Variants in SGCD observed in about 807,000 individuals in gnomAD.
The protein encoded by SGCD is sarcoglycan delta, also known as delta-sarcoglycan.
In SGCD, 18 loss-of-function variants were observed where a neutral mutation model predicts 36.6. That is an observed-to-expected ratio of 0.49 (90% confidence interval 0.34 to 0.73). The LOEUF is 0.73. Ranked by LOEUF, SGCD falls within the 30% of genes least tolerant of loss-of-function variation. The pLI is 0.01. For missense variants in SGCD, 387 were observed against 346.7 expected (o/e 1.12, Z -0.92); for synonymous variants, 133 against 130.6 (o/e 1.02, Z -0.12).
rs1043125333 is a variant in SGCD, at chr5:156,147,809, T to A, written c.-44+23790T>A. 2.0e-5 allele frequency among the ~76,000 whole-genome samples: 3 copies of A among 152,180 alleles called. No homozygotes were observed. The East Asian group carries it at 5.8e-4, about 29-fold the overall frequency. On this transcript the variant is annotated intron_variant, in intron 3 of 9. Coordinates refer to the SGCD transcript ENST00000517913. ...GTCTTTTAATGCAGTGACATTCAGA[T>A]GTTAAAGGAAGTGGAACTCATATAG... is the stretch of plus-strand genomic sequence containing the variant.
chr5:156,420,455 A>T (rs533000811), intron 3 of SGCD, among the ~76,000 whole-genome samples: 1 of 152,248 alleles, frequency 6.6e-6, no homozygotes, highest in South Asian at 2.1e-4. Flanking sequence ...ATATTGGAAG[A>T]ATTCTGTAGA....
At chr5:156,673,177 T>C (rs1167997831) in intron 7 of SGCD, among the ~76,000 whole-genome samples, 1 of 152,214 alleles carries the variant, frequency 6.6e-6, no homozygotes, top group Non-Finnish European at 1.5e-5. Flanking sequence ...CTGCAACACA[T>C]TGTTTATGAA....
At chr5:156,316,675 T>G (rs920368691) in intron 3 of SGCD, among the ~76,000 whole-genome samples, 1 of 152,018 alleles carries the variant, frequency 6.6e-6, no homozygotes, top group Admixed American at 6.6e-5. Flanking sequence ...GTCAACTATT[T>G]TTTAACAAAG....
At chr5:156,309,602 T>G (rs1300374331) in intron 3 of SGCD, among the ~76,000 whole-genome samples, 1 of 20,298 alleles carries the variant, frequency 4.9e-5, no homozygotes, top group Non-Finnish European at 1.2e-4. Context: ...TCTTTGAGCA[T>G]TTTTTTTTTT....
At chr5:156,605,819 A>T (rs1761419204) in intron 6 of SGCD, among the ~76,000 whole-genome samples, 1 of 152,176 alleles carries the variant, frequency 6.6e-6, no homozygotes, top group Non-Finnish European at 1.5e-5. Flanking sequence ...ACATTTTTTC[A>T]TGTGTCTTTT....
intron 1 of SGCD, among the ~76,000 whole-genome samples, chr5:156,099,893 G>A (rs948627051): frequency 3.3e-5 from 5 of 151,602 alleles, no homozygotes; most frequent in African/African-American, 1.2e-4. Flanking sequence ...CTGTTTTTAT[G>A]TTAATATATG....
At chr5:156,133,029 T>C (rs1024599456) in intron 3 of SGCD, among the ~76,000 whole-genome samples, 2 of 152,214 alleles carry the variant, frequency 1.3e-5, no homozygotes, top group Non-Finnish European at 2.9e-5. Flanking sequence ...AGTCAGGAGT[T>C]ATACTGAGCT....
chr5:156,502,292 C>T (rs558103249), intron 3 of SGCD, among the ~76,000 whole-genome samples: 48 of 152,092 alleles, frequency 3.2e-4, no homozygotes, highest in East Asian at 1.2e-3. Context: ...GTGATCCGCC[C>T]GCCTCGGCCT....
At chr5:156,258,251 G>A (rs1765763860) in intron 3 of SGCD, among the ~76,000 whole-genome samples, 1 of 151,868 alleles carries the variant, frequency 6.6e-6, no homozygotes, top group Admixed American at 6.6e-5. Flanking sequence ...GATATTGCTG[G>A]TGATATTAAC....
At position 156,229,048 on chromosome 5, in the gene SGCD, G is replaced by C. The variant is rs890800207; in HGVS notation, c.-43-100486G>C. 2.9e-4 allele frequency among the ~76,000 whole-genome samples: 44 copies of C among 151,450 alleles called. 2 individuals carry two copies. The highest frequency in any genetic ancestry group is 1.5e-5 in the Non-Finnish European group (1 of 67,922). ...AGGCAGAATAAAATGTGAAAAGAGAGACTGGCTTAGCCACTCAGCCTACAT... is the reference window on the plus strand; with the variant it reads ...AGGCAGAATAAAATGTGAAAAGAGACACTGGCTTAGCCACTCAGCCTACAT... On this transcript the variant is annotated intron_variant, in intron 3 of 9. Coordinates refer to the SGCD transcript ENST00000517913.
intron 1 of SGCD, among the ~76,000 whole-genome samples, chr5:155,905,077 C>T (rs1756472662): frequency 6.6e-6 from 1 of 152,250 alleles, no homozygotes; most frequent in Middle Eastern, 3.4e-3. Context: ...GGGTTGTTGC[C>T]CTCCAACTTA....
chr5:156,492,965 G>A (rs1208892554), intron 3 of SGCD, among the ~76,000 whole-genome samples: 1 of 152,126 alleles, frequency 6.6e-6, no homozygotes, highest in Non-Finnish European at 1.5e-5. Context: ...GTCTATCATT[G>A]ATGGGCATTT....
At chr5:156,382,417 G>T (rs1771034875) in intron 3 of SGCD, among the ~76,000 whole-genome samples, 2 of 152,156 alleles carry the variant, frequency 1.3e-5, no homozygotes, top group Admixed American at 6.6e-5. Flanking sequence ...CCCAGAAAAT[G>T]CTGAGGACTG....
chr5:156,566,743 C>G (rs7712576), intron 4 of SGCD, among the ~76,000 whole-genome samples: 3,964 of 152,164 alleles, frequency 0.026, 109 homozygotes, highest in African/African-American at 0.064. Flanking sequence ...AAAATTAAGA[C>G]TGTTTCTCCC....
At chr5:156,221,569 A>G (rs1261017710) in intron 3 of SGCD, among the ~76,000 whole-genome samples, 1 of 151,918 alleles carries the variant, frequency 6.6e-6, no homozygotes, top group African/African-American at 2.4e-5. Context: ...TTAAAAAAAA[A>G]ACAAAAAACA....
intron 4 of SGCD, among the ~76,000 whole-genome samples, chr5:156,524,995 C>T (rs542482507): frequency 1.3e-5 from 2 of 151,980 alleles, no homozygotes; most frequent in Non-Finnish European, 2.9e-5. Context: ...AGATTTAATT[C>T]ATATCTTGGC....
intron 3 of SGCD, among the ~76,000 whole-genome samples, chr5:156,192,996 G>A (rs530303644): frequency 2.0e-5 from 3 of 151,442 alleles, no homozygotes; most frequent in Admixed American, 6.6e-5. Flanking sequence ...CATGGACACC[G>A]AAATTTTAAT....
chr5:156,169,248 T>TG (rs1763286829), intron 3 of SGCD, among the ~76,000 whole-genome samples: 1 of 152,260 alleles, frequency 6.6e-6, no homozygotes, highest in African/African-American at 2.4e-5. Context: ...GTTGCTGGCC[T>TG]ATTTACAGTA....
At chr5:155,896,128 C>A (rs568820426) in intron 1 of SGCD, among the ~76,000 whole-genome samples, 1 of 152,050 alleles carries the variant, frequency 6.6e-6, no homozygotes, top group Admixed American at 6.6e-5. Context: ...TAACAGAGAG[C>A]CCTTTATTAT....
Sources: allele counts gnomAD v4.1 joint callset (sites outside exome capture counted in the v4.1 genomes callset), GRCh38; gene constraint gnomAD v4.1.1; transcripts MANE v1.5; gene names NCBI Gene and HGNC (gene_info 2026-07-23, HGNC 2026-07-21).